The following CCDC197 variants were observed in gnomAD, a reference collection of about 807,000 sequenced individuals.
CCDC197 encodes the protein coiled-coil domain containing 197.
A neutral mutation model predicts 13.4 loss-of-function variants in CCDC197; 24 were observed. That is an observed-to-expected ratio of 1.80 (90% CI 1.30 to 2.53). The LOEUF is 2.53. CCDC197 is among the 30% of genes most tolerant of loss of function. The pLI, the probability that CCDC197 is intolerant of heterozygous loss-of-function variation, is 0.00. For synonymous variants in CCDC197, 99 were observed against 55.5 expected (o/e 1.78, Z -3.48); for missense variants, 255 against 148.8 (o/e 1.71, Z -3.71).
At chr14:94,004,385 G>C (rs1890622432) in intron 5 of CCDC197, among the ~76,000 whole-genome samples, 1 of 152,194 alleles carries the variant, frequency 6.6e-6, no homozygotes. Flanking sequence ...CGAGGGATCT[G>C]AGTTTGGAAG....
At chr14:94,009,652 C>T (rs4318142), downstream of CCDC197, among the ~76,000 whole-genome samples, 1 of 152,104 alleles carries the variant, frequency 6.6e-6, no homozygotes, top group Admixed American at 6.5e-5. Context: ...TCACTTGAGC[C>T]TGGGAGGTCA....
chr14:93,999,484 T>C lies in CCDC197; in HGVS notation c.105-99T>C. The C allele has an allele frequency of 5.4e-6, 4 of 741,534 alleles. 1 individual carries two copies. The South Asian group carries it at 5.8e-5, about 11-fold the overall frequency. 45.9% of individuals were successfully genotyped at this position (741,534 alleles called of 1,614,324 possible). On this transcript the variant is annotated intron_variant, in intron 2 of 6. Coordinates refer to ENST00000636493, the MANE Select transcript of CCDC197 (RefSeq NM_001351596.2). ...TGGTACGTGGCCGGCCCAGTGCACG[T>C]CCAAGCAGGAGATCACAGAGGGTGG...
upstream of CCDC197, among the ~76,000 whole-genome samples, chr14:93,996,441 G>C (rs1237335031): frequency 6.8e-6 from 1 of 147,996 alleles, no homozygotes; most frequent in Non-Finnish European, 1.5e-5. Context: ...GCCCCAGCCC[G>C]AGCCTTTGAT....
chr14:93,997,912 A>G (rs1890367128), intron 1 of CCDC197, 87 bp from the exon 2 acceptor site: 1 of 563,516 alleles, frequency 1.8e-6, no homozygotes. Flanking sequence ...TTGGGATTTA[A>G]TGAGCCCTGG....
chr14:94,010,055 G>A (rs1037517264), downstream of CCDC197, among the ~76,000 whole-genome samples: 2 of 152,182 alleles, frequency 1.3e-5, no homozygotes, highest in Non-Finnish European at 2.9e-5. Flanking sequence ...TCGAAAGCCC[G>A]CTTGACTCCA....
At chr14:93,995,658 T>C (rs1276815145), upstream of CCDC197, among the ~76,000 whole-genome samples, 2 of 152,196 alleles carry the variant, frequency 1.3e-5, no homozygotes, top group Non-Finnish European at 2.9e-5. Context: ...CACCCTCTCT[T>C]GATTCTTGAG....
intron 3 of CCDC197, among the ~76,000 whole-genome samples, chr14:93,999,983 C>A (rs560449442): frequency 1.3e-5 from 2 of 152,296 alleles, no homozygotes; most frequent in Admixed American, 6.5e-5. Context: ...CAGCACAGGG[C>A]CCCACATTTA....
At chr14:93,998,879 T>C (rs1890403862) in intron 2 of CCDC197, among the ~76,000 whole-genome samples, 1 of 152,148 alleles carries the variant, frequency 6.6e-6, no homozygotes, top group Non-Finnish European at 1.5e-5. Flanking sequence ...CCTGGGCCAC[T>C]CAGAAACCCC....
chr14:94,005,823 C>A (rs151222571), intron 6 of CCDC197, among the ~76,000 whole-genome samples: 63 of 152,294 alleles, frequency 4.1e-4, no homozygotes, highest in African/African-American at 1.5e-3. Context: ...CAGCACGAAT[C>A]AGTGCTTTAT....
At chr14:93,988,672 G>A in intron 1 of CCDC197, among the ~76,000 whole-genome samples, 1 of 64,800 alleles carries the variant, frequency 1.5e-5, no homozygotes, top group Admixed American at 1.5e-4. Context: ...GATAGGACGA[G>A]GGGATAGGAG....
At chr14:94,004,177 T>C (rs1409177336) in intron 5 of CCDC197, among the ~76,000 whole-genome samples, 3 of 151,962 alleles carry the variant, frequency 2.0e-5, no homozygotes, top group Non-Finnish European at 4.4e-5. Flanking sequence ...GCCTTGGGAG[T>C]GTGGTCTGGT....
Position 93,999,441 on chromosome 14 carries a change from TATGGCCAACTGATAAAGTGGTAC to T in CCDC197, c.105-141_105-119del. 4.7e-6 allele frequency: 3 copies of T among 637,838 alleles called. No individual in the cohort carries two copies. The South Asian group carries it at 5.5e-5, about 12-fold the overall frequency. The allele number at this position is 637,838 out of a possible 1,614,324, so 39.5% of individuals were successfully genotyped here. On this transcript the variant is annotated intron_variant, in intron 2 of 6. Transcript: ENST00000636493. The stretch of plus-strand genomic sequence containing the variant: ...ATGAAGGTGCAGAGACTCCTAAGTC[TATGGCCAACTGATAAAGTGGTAC>T]GTGGCCGGCCCAGTGCACGTCCAAG...
chr14:94,009,409 C>T (rs1016314675), downstream of CCDC197, among the ~76,000 whole-genome samples: 1 of 152,156 alleles, frequency 6.6e-6, no homozygotes, highest in Non-Finnish European at 1.5e-5. Flanking sequence ...AGGTCCCTCT[C>T]TGGGCTGGTT....
At chr14:94,010,681 G>C (rs900194024), downstream of CCDC197, among the ~76,000 whole-genome samples, 1 of 152,216 alleles carries the variant, frequency 6.6e-6, no homozygotes, top group Admixed American at 6.5e-5. Context: ...CATTTTGGCT[G>C]GAGCATGCGG....
intron 1 of CCDC197, among the ~76,000 whole-genome samples, chr14:93,990,369 T>A (rs1252262681): frequency 6.6e-6 from 1 of 152,184 alleles, no homozygotes; most frequent in African/African-American, 2.4e-5. Context: ...CTTCACCTCC[T>A]ACTTGACCTC....
downstream of CCDC197, among the ~76,000 whole-genome samples, chr14:94,011,229 CA>C (rs537055209): frequency 1.6e-3 from 237 of 152,328 alleles, no homozygotes; most frequent in Non-Finnish European, 2.8e-3. Context: ...CTTCTACGCC[CA>C]GGGTGAAGTT....
chr14:93,993,472 A>G (rs1595348107), upstream of CCDC197, among the ~76,000 whole-genome samples: 1 of 152,224 alleles, frequency 6.6e-6, no homozygotes, highest in Non-Finnish European at 1.5e-5. Flanking sequence ...TTTGCCTTTC[A>G]GGAAACTGAA....
chr14:93,996,201 A>C (rs896035757), upstream of CCDC197, among the ~76,000 whole-genome samples: 1 of 150,526 alleles, frequency 6.6e-6, no homozygotes. Context: ...ACCTGCATCC[A>C]CCTCCCTCCT....
downstream of CCDC197, among the ~76,000 whole-genome samples, chr14:94,011,521 G>A (rs1890807482): frequency 6.6e-6 from 1 of 152,228 alleles, no homozygotes; most frequent in Non-Finnish European, 1.5e-5. Context: ...ACCTCAGGCT[G>A]CTGGTAAGTA....
Sources: allele counts gnomAD v4.1 joint callset (sites outside exome capture counted in the v4.1 genomes callset), GRCh38; gene constraint gnomAD v4.1.1; transcripts MANE v1.5; gene names NCBI Gene and HGNC (gene_info 2026-07-23, HGNC 2026-07-21).